Variants in TMEM260 observed in about 807,000 individuals in gnomAD.
TMEM260 encodes transmembrane protein 260.
A neutral mutation model predicts 88.9 loss-of-function variants in TMEM260; 82 were observed. The ratio of observed to expected loss-of-function variants is 0.92; its 90% CI spans 0.77 to 1.11. The LOEUF is 1.11. Among genes scored for constraint, TMEM260 ranks in the 50% least tolerant of loss-of-function variants. The probability of loss-of-function intolerance (pLI) is 0.00; values close to 1 mark genes in which losing one functional copy is unlikely to be tolerated. For synonymous variants in TMEM260, 314 were observed against 309.3 expected, an observed-to-expected ratio of 1.02 and a Z score of -0.16; for missense variants, 902 against 853.4, an observed-to-expected ratio of 1.06 and a Z score of -0.71.
the TMEM260 span, among the ~76,000 whole-genome samples, chr14:56,659,744 C>T: frequency 6.6e-6 from 1 of 152,228 alleles, no homozygotes; most frequent in Admixed American, 6.5e-5. Context: ...TTAATACCCT[C>T]ATTCTTTCAA....
chr14:56,590,277 ACT>A (rs1885769902), intron 3 of TMEM260, among the ~76,000 whole-genome samples: 1 of 152,044 alleles, frequency 6.6e-6, no homozygotes, highest in South Asian at 2.1e-4. Context: ...CAGGGCAAAA[ACT>A]CTTTTTTAAG....
At chr14:56,653,746 A>AAAAACAAAACAAAAC (rs1555343593), downstream of TMEM260, among the ~76,000 whole-genome samples, 86 of 86,076 alleles carry the variant, frequency 1.0e-3, 2 homozygotes, top group African/African-American at 2.3e-3. Context: ...CAAAACAAAA[A>AAAAACAAAACAAAAC]AAAAAAAAAC....
At chr14:56,654,912 T>C (rs1404613429), downstream of TMEM260, among the ~76,000 whole-genome samples, 2 of 151,798 alleles carry the variant, frequency 1.3e-5, no homozygotes, top group Admixed American at 6.6e-5. Context: ...ATGAACCTTA[T>C]GTATTCAGTG....
chr14:56,580,169 G>C (rs1885023378), intron 1 of TMEM260, 95 bp downstream of exon 1: 1 of 1,069,722 alleles, frequency 9.3e-7, no homozygotes, highest in Non-Finnish European at 1.2e-6. Flanking sequence ...CATTCGGTCT[G>C]GTCAGCTCTG....
At chr14:56,594,926 G>T (rs1046602348) in intron 3 of TMEM260, among the ~76,000 whole-genome samples, 1 of 152,138 alleles carries the variant, frequency 6.6e-6, no homozygotes, top group Non-Finnish European at 1.5e-5. Context: ...TTTTTATAGA[G>T]TATGTCTCCT....
At chr14:56,629,989 T>C (rs1309152656) in intron 12 of TMEM260, among the ~76,000 whole-genome samples, 2 of 151,098 alleles carry the variant, frequency 1.3e-5, no homozygotes, top group Non-Finnish European at 2.9e-5. Context: ...TGCAGTGAGC[T>C]ATGATTGTGC....
chr14:56,633,181 G>C lies in TMEM260; in HGVS notation c.1724+10G>C, dbSNP rs774015627. On this transcript the variant is annotated intron_variant, in intron 13 of 15. Transcript: ENST00000261556. ...CCGAAGAATATGGAAGGTATGAACA[G>C]CAGTTGTATTTTGATGCATATAAAC... 3.7e-6 allele frequency: 6 copies of C among 1,602,338 alleles called. No homozygotes were observed. The highest frequency in any genetic ancestry group is 4.3e-6 in the Non-Finnish European group (5 of 1,174,470).
chr14:56,645,741 T>C (rs2139659530), intron 15 of TMEM260, among the ~76,000 whole-genome samples: 1 of 152,304 alleles, frequency 6.6e-6, no homozygotes, highest in East Asian at 1.9e-4. Context: ...GAACAGTTCC[T>C]GAATGCCTGC....
chr14:56,603,759 A>G, intron 3 of TMEM260, 56 bp from the exon 4 acceptor site: 13 of 1,603,614 alleles, frequency 8.1e-6, no homozygotes, highest in Non-Finnish European at 1.1e-5. Flanking sequence ...CCAAAAGGAA[A>G]ATAAAGTTAG....
At chr14:56,595,940 T>C (rs1869114417) in intron 3 of TMEM260, among the ~76,000 whole-genome samples, 1 of 152,168 alleles carries the variant, frequency 6.6e-6, no homozygotes, top group Non-Finnish European at 1.5e-5. Flanking sequence ...TAAAATAATA[T>C]CCCTTAGTTT....
chr14:56,650,160 G>A, downstream of TMEM260: 1 of 445,924 alleles, frequency 2.2e-6, no homozygotes, highest in Non-Finnish European at 4.5e-6. Flanking sequence ...GACTTCTCAT[G>A]CAAGATTTGG....
chr14:56,646,371 C>G (rs1889967443), intron 15 of TMEM260, among the ~76,000 whole-genome samples: 2 of 152,198 alleles, frequency 1.3e-5, no homozygotes, highest in Admixed American at 6.5e-5. Flanking sequence ...TTTCTGTGCA[C>G]TCAGAAAGTC....
In TMEM260 at chr14:56,620,803, C is replaced by A. The variant is rs570066832; in HGVS notation, c.1227-728C>A. ...ACATTGCTTGTCTCATTTTTTGATACTAATTACTGTTTTGTCATCTTTTTC... is the reference window on the plus strand; with the variant it reads ...ACATTGCTTGTCTCATTTTTTGATAATAATTACTGTTTTGTCATCTTTTTC... On this transcript the variant is annotated intron_variant, in intron 10 of 15. Coordinates refer to ENST00000261556, the MANE Select transcript of TMEM260 (RefSeq NM_017799.4). Among the ~76,000 whole-genome samples the A allele has an allele frequency of 5.1e-4, 78 of 152,236 alleles. No homozygotes were observed. In the Middle Eastern group the frequency reaches 0.024, roughly 46 times the overall value.
At chr14:56,635,222 G>C (rs1392752698) in intron 14 of TMEM260, among the ~76,000 whole-genome samples, 1 of 152,218 alleles carries the variant, frequency 6.6e-6, no homozygotes, top group African/African-American at 2.4e-5. Context: ...ACTGCTGCTA[G>C]TGATGGAGTC....
At position 56,637,208 on chromosome 14, in the gene TMEM260, C is replaced by G. The variant is rs1045983003; in HGVS notation, c.1869+610C>G. ...ATAAATGTATGTTGTTTATTTGTTA[C>G]AGTGGCAATAGGAAACTAATATAAT... On this transcript the variant is annotated intron_variant, in intron 15 of 15. Coordinates refer to ENST00000261556, the MANE Select transcript of TMEM260 (RefSeq NM_017799.4). Among the ~76,000 whole-genome samples, 3 of 152,298 alleles carry G rather than the reference C, an allele frequency of 2.0e-5. No individual in the cohort carries two copies. The South Asian group carries it at 6.2e-4, about 32-fold the overall frequency.
the TMEM260 span, among the ~76,000 whole-genome samples, chr14:56,661,091 C>T: frequency 2.0e-5 from 3 of 152,304 alleles, no homozygotes; most frequent in African/African-American, 7.2e-5. Context: ...AAAAAGGCAC[C>T]AGCCTCCCTC....
In TMEM260 at chr14:56,603,955, A is replaced by G. The variant is rs1307502942; in HGVS notation, c.485A>G (p.His162Arg). The change falls in exon 4 of 16, where the codon CAT becomes CGT. Residue 162 changes from histidine to arginine, a missense_variant. Physicochemically the swap from His to Arg is conservative, Grantham distance 29. Transcript: ENST00000261556. ...FVGLLMALTV[H>R]FEEAATAKER... is the part of the protein sequence containing the mutation. ...GGGCTGCTTATGGCTCTTACTGTAC[A>G]TTTTGAGGAAGCAGCAACTGCTAAG... The G allele has an allele frequency of 1.3e-6, 2 of 1,597,462 alleles. No individual in the cohort carries two copies. The highest frequency in any genetic ancestry group is 3.6e-5 in the Admixed American group (2 of 55,652).
chr14:56,624,621 C>G (rs567682608), intron 11 of TMEM260, among the ~76,000 whole-genome samples: 1 of 152,120 alleles, frequency 6.6e-6, no homozygotes, highest in Admixed American at 6.5e-5. Flanking sequence ...GTGCTAGGTG[C>G]AGATACACAG....
downstream of TMEM260, among the ~76,000 whole-genome samples, chr14:56,654,589 C>T (rs1400045229): frequency 6.6e-6 from 1 of 151,936 alleles, no homozygotes; most frequent in Non-Finnish European, 1.5e-5. Context: ...TAGGCCGAGG[C>T]AGGCGGATCA....
Sources: gnomAD v4.1 joint callset for allele counts (sites outside exome capture counted in the v4.1 genomes callset) on GRCh38, gnomAD v4.1.1 for gene constraint, MANE v1.5 for transcripts, NCBI Gene and HGNC (gene_info 2026-07-23, HGNC 2026-07-21) for gene names.